The following CADPS variants were observed in gnomAD, a reference collection of about 807,000 sequenced individuals.
CADPS encodes calcium dependent secretion activator.
A neutral mutation model predicts 167.3 loss-of-function variants in CADPS; 57 were observed. The ratio of observed to expected loss-of-function variants is 0.34; its 90% confidence interval spans 0.28 to 0.42. The LOEUF is 0.42. CADPS is among the 20% of genes least tolerant of loss of function. The probability of loss-of-function intolerance (pLI) is 1.00; values close to 1 mark genes in which losing one functional copy is unlikely to be tolerated. For synonymous variants in CADPS, 676 were observed against 635.3 expected (o/e 1.06, Z -0.96); for missense variants, 1,414 against 1,738.1 (o/e 0.81, Z 3.32).
intron 1 of CADPS, among the ~76,000 whole-genome samples, chr3:62,795,252 C>G (rs954425980): frequency 2.0e-5 from 3 of 150,550 alleles, no homozygotes; most frequent in Admixed American, 2.0e-4. Flanking sequence ...TTGAAATCAC[C>G]ATCTCTAAGA....
chr3:62,862,081 CTAAATA>C (rs949073319), intron 1 of CADPS, among the ~76,000 whole-genome samples: 4 of 151,906 alleles, frequency 2.6e-5, no homozygotes, highest in Non-Finnish European at 5.9e-5. Flanking sequence ...ATCCAAGATC[CTAAATA>C]TAGTCTTCAA....
chr3:62,572,797 T>A (rs760964563), intron 8 of CADPS, among the ~76,000 whole-genome samples: 1 of 152,196 alleles, frequency 6.6e-6, no homozygotes, highest in Non-Finnish European at 1.5e-5. Flanking sequence ...CCTGAAGACA[T>A]CAAAATCCAC....
chr3:62,778,429 A>G (rs76749162), intron 1 of CADPS, among the ~76,000 whole-genome samples: 2,080 of 152,182 alleles, frequency 0.014, 23 homozygotes, highest in Middle Eastern at 0.034. Context: ...TTTTCCCTTC[A>G]CTTTCTTCAC....
intron 7 of CADPS, 69 bp from the exon 8 acceptor site, chr3:62,585,393 T>C: frequency 5.3e-6 from 8 of 1,509,340 alleles, no homozygotes; most frequent in Non-Finnish European, 7.2e-6. Context: ...TTAGAAACTT[T>C]GATTCTGAGT....
chr3:62,522,965 C>T lies in CADPS; in HGVS notation c.2292-4715G>A, dbSNP rs115972126. Among the ~76,000 whole-genome samples, 628 of 152,286 alleles carry T rather than the reference C, an allele frequency of 4.1e-3. 7 individuals carry two copies. The highest frequency in any genetic ancestry group is 0.018 in the South Asian group (87 of 4,826). On this transcript the variant is annotated intron_variant, in intron 13 of 29. Transcript: ENST00000383710. The stretch of plus-strand genomic sequence containing the variant: ...ACAGCAGACTATATCGCATCTGACA[C>T]GGCGGGCATCTCCGGAATCCACCTT...
At chr3:62,775,568 A>G (rs1019809118) in intron 1 of CADPS, among the ~76,000 whole-genome samples, 10 of 152,238 alleles carry the variant, frequency 6.6e-5, no homozygotes, top group Non-Finnish European at 1.3e-4. Context: ...ATTATTAGCA[A>G]AAAATATTGT....
rs149460509 is a variant in CADPS at position 62,712,467 on chromosome 3, T to C, written c.888+40974A>G. 1.3e-3 allele frequency among the ~76,000 whole-genome samples: 203 copies of C among 152,362 alleles called. 1 individual carries two copies. The highest frequency in any genetic ancestry group is 4.7e-3 in the African/African-American group (195 of 41,590). ...TCACAATGTTGAAACTTTTTTCATATGCTTGTTGCATGTTTGTACTTATTC... is the reference window on the plus strand; with the variant it reads ...TCACAATGTTGAAACTTTTTTCATACGCTTGTTGCATGTTTGTACTTATTC... On this transcript the variant is annotated intron_variant, in intron 3 of 29. Transcript: ENST00000383710.
chr3:62,432,643 T>C (rs989651246), intron 28 of CADPS, among the ~76,000 whole-genome samples: 1 of 152,178 alleles, frequency 6.6e-6, no homozygotes, highest in African/African-American at 2.4e-5. Flanking sequence ...TGGCTAACAC[T>C]TACCAATGCT....
chr3:62,755,312 T>A (rs1398287825), intron 2 of CADPS, among the ~76,000 whole-genome samples: 3 of 152,096 alleles, frequency 2.0e-5, no homozygotes, highest in Admixed American at 1.3e-4. Context: ...AAGAAAGTCT[T>A]ATTTTTGCTC....
At chr3:62,615,022 A>G (rs2149363900) in intron 6 of CADPS, among the ~76,000 whole-genome samples, 1 of 152,314 alleles carries the variant, frequency 6.6e-6, no homozygotes, top group South Asian at 2.1e-4. Flanking sequence ...TATGTGATTT[A>G]GGATGAAAAT....
intron 8 of CADPS, among the ~76,000 whole-genome samples, chr3:62,579,601 G>T (rs553870523): frequency 1.3e-5 from 2 of 152,214 alleles, no homozygotes; most frequent in South Asian, 4.2e-4. Context: ...TGGGTGAAAG[G>T]GAAAGGAAAC....
intron 2 of CADPS, among the ~76,000 whole-genome samples, chr3:62,760,665 T>C (rs1394353232): frequency 6.6e-6 from 1 of 152,198 alleles, no homozygotes; most frequent in African/African-American, 2.4e-5. Context: ...TCTTCCCCTA[T>C]GGATGTACCT....
At chr3:62,765,513 G>C (rs1251552938) in intron 2 of CADPS, among the ~76,000 whole-genome samples, 3 of 152,104 alleles carry the variant, frequency 2.0e-5, no homozygotes, top group African/African-American at 7.2e-5. Flanking sequence ...CACAGGTTGT[G>C]ATTTTTCATA....
At chr3:62,705,391 A>G (rs2082135405) in intron 3 of CADPS, among the ~76,000 whole-genome samples, 1 of 152,102 alleles carries the variant, frequency 6.6e-6, no homozygotes, top group Non-Finnish European at 1.5e-5. Flanking sequence ...AGGCATAACA[A>G]GGGATATCCC....
chr3:62,580,594 A>G (rs1190916076), intron 8 of CADPS, among the ~76,000 whole-genome samples: 2 of 147,988 alleles, frequency 1.4e-5, no homozygotes, highest in Non-Finnish European at 3.0e-5. Context: ...ATAAAAAAAA[A>G]TAAAAAAAAA....
At chr3:62,563,436 T>A (rs2079537878) in intron 9 of CADPS, among the ~76,000 whole-genome samples, 1 of 152,224 alleles carries the variant, frequency 6.6e-6, no homozygotes, top group African/African-American at 2.4e-5. Context: ...TGGAACATAA[T>A]TTTTGGTAAC....
chr3:62,648,592 G>A (rs1024651286), intron 5 of CADPS, among the ~76,000 whole-genome samples: 2 of 148,372 alleles, frequency 1.3e-5, no homozygotes, highest in Non-Finnish European at 3.0e-5. Flanking sequence ...TGGCTGAGGT[G>A]GGAAGATCAC....
rs2051414059 is a variant in CADPS, at chr3:62,421,642, AC to A, written c.3777+16461del. 6.6e-6 allele frequency among the ~76,000 whole-genome samples: 1 copy of A among 152,126 alleles called. No homozygotes were observed. The highest frequency in any genetic ancestry group is 2.4e-5 in the African/African-American group (1 of 41,432). On this transcript the variant is annotated intron_variant, in intron 28 of 29. Transcript: ENST00000383710. This position sits in a 1 kb window ranked among gnomAD's most constrained non-coding sequence, Gnocchi z 4.7. ...TGGCTTCGTTCCCCCACCCCTCCTG[AC>A]GCTTCCCCCTTTTCCCCCCAAAGGA...
chr3:62,569,611 A>G (rs1478885786), intron 9 of CADPS, among the ~76,000 whole-genome samples: 2 of 152,188 alleles, frequency 1.3e-5, no homozygotes, highest in African/African-American at 4.8e-5. Flanking sequence ...GAGTTGGTGA[A>G]ACCCTCAAGG....
Sources: allele counts gnomAD v4.1 joint callset (sites outside exome capture counted in the v4.1 genomes callset), GRCh38; gene constraint gnomAD v4.1.1; non-coding constraint Gnocchi (gnomAD v3.1); transcripts MANE v1.5; gene names NCBI Gene and HGNC (gene_info 2026-07-23, HGNC 2026-07-21).